The following CTNNA3 variants were observed in gnomAD, a reference collection of about 807,000 sequenced individuals.
The protein encoded by CTNNA3 is catenin alpha-3.
A neutral mutation model predicts 95.7 loss-of-function variants in CTNNA3; 76 were observed. That is an observed-to-expected ratio of 0.79 (90% CI 0.66 to 0.96). The LOEUF (loss-of-function observed/expected upper bound fraction) is 0.96, where lower values mean the gene tolerates loss of function less well. Ranked by LOEUF, CTNNA3 falls within the 40% of genes least tolerant of loss-of-function variation. The probability of loss-of-function intolerance (pLI) is 0.00; values close to 1 mark genes in which losing one functional copy is unlikely to be tolerated. For missense variants in CTNNA3, 1,191 were observed against 1,089.8 expected, an observed-to-expected ratio of 1.09 and a Z score of -1.31; for synonymous variants, 431 against 374.4, an observed-to-expected ratio of 1.15 and a Z score of -1.74.
chr10:66,449,218 C>A (rs1049447080), intron 11 of CTNNA3, among the ~76,000 whole-genome samples: 4 of 152,010 alleles, frequency 2.6e-5, no homozygotes, highest in Non-Finnish European at 4.4e-5. Context: ...GCTGGGGGGA[C>A]ATTCATCTAC....
chr10:67,726,536 T>G (rs1285548476), intron 1 of CTNNA3, among the ~76,000 whole-genome samples: 1 of 66,084 alleles, frequency 1.5e-5, no homozygotes, highest in East Asian at 8.7e-4. Flanking sequence ...ATATATATTA[T>G]TATATATTAC....
At chr10:66,397,619 A>G (rs1358317004) in intron 11 of CTNNA3, among the ~76,000 whole-genome samples, 1 of 151,850 alleles carries the variant, frequency 6.6e-6, no homozygotes, top group South Asian at 2.1e-4. Context: ...AAATTTCAAG[A>G]TAAATAACTC....
intron 7 of CTNNA3, among the ~76,000 whole-genome samples, chr10:67,032,029 A>G (rs1853756964): frequency 6.6e-6 from 1 of 152,182 alleles, no homozygotes; most frequent in Non-Finnish European, 1.5e-5. Flanking sequence ...GCCATGCATA[A>G]TTTGTCTGCC....
Position 67,606,936 on chromosome 10 carries a change from G to A in CTNNA3, c.213C>T (p.Asp71=), listed in dbSNP as rs771791661. 1.2e-6 allele frequency: 2 copies of A among 1,614,006 alleles called. No homozygotes were observed. The highest frequency in any genetic ancestry group is 1.7e-6 in the Non-Finnish European group (2 of 1,179,892). Residue 71 remains aspartate, a synonymous_variant, in exon 3 of 18, where the codon GAC becomes GAT. Transcript: ENST00000433211. ...CTTCCTGGGCAATCTTCTCTCCCTT[G>A]TCTAATAAATTCCAAGTTGCTTCCT... is the stretch of plus-strand genomic sequence containing the variant. The part of the protein sequence containing the change: ...SVEEATWNLL[D]KGEKIAQEAT...
At chr10:66,663,279 C>T (rs1442304116) in intron 9 of CTNNA3, among the ~76,000 whole-genome samples, 1 of 151,954 alleles carries the variant, frequency 6.6e-6, no homozygotes, top group Admixed American at 6.6e-5. Flanking sequence ...TGGCCCCTCC[C>T]CAGTCATGAC....
chr10:66,487,181 A>ATTT lies in CTNNA3; in HGVS notation c.1531+33433_1531+33435dup, dbSNP rs60547696. Among the ~76,000 whole-genome samples, 63 of 45,986 alleles carry ATTT rather than the reference A, an allele frequency of 1.4e-3. 12 individuals are homozygous for ATTT. Among genetic ancestry groups the ATTT allele is most frequent in the East Asian group, 3.9e-3 (5 of 1,282 alleles). 30.2% of individuals were successfully genotyped at this position (45,986 alleles called of 152,430 possible). On this transcript the variant is annotated intron_variant, in intron 11 of 17. Transcript: ENST00000433211. ...TACTTGAAATTTAATAAAAGGGCAG[A>ATTT]TTTTTTTTTTTTTTTTTTTTTTTTT...
At chr10:66,487,121 C>G (rs1490614866) in intron 11 of CTNNA3, among the ~76,000 whole-genome samples, 1 of 138,434 alleles carries the variant, frequency 7.2e-6, no homozygotes, top group Non-Finnish European at 1.5e-5. Flanking sequence ...ATCTAATGTA[C>G]AGCATGGTGA....
At chr10:66,396,016 T>C (rs1298460708) in intron 11 of CTNNA3, among the ~76,000 whole-genome samples, 2 of 152,030 alleles carry the variant, frequency 1.3e-5, no homozygotes, top group East Asian at 3.9e-4. Context: ...AGTTCCCACT[T>C]GTAAGTGAGA....
chr10:66,986,508 CTAAAA>C (rs1171338168), intron 7 of CTNNA3, among the ~76,000 whole-genome samples: 2 of 148,720 alleles, frequency 1.3e-5, no homozygotes, highest in African/African-American at 2.4e-5. Context: ...CTAAACTAAA[CTAAAA>C]TAAAATAAAG....
chr10:66,098,301 G>A (rs1259661242), intron 14 of CTNNA3, among the ~76,000 whole-genome samples: 1 of 152,106 alleles, frequency 6.6e-6, no homozygotes, highest in African/African-American at 2.4e-5. Flanking sequence ...CAAGTGTGCT[G>A]TACTGGAAAG....
At chr10:66,666,346 G>A (rs2132457517) in intron 9 of CTNNA3, among the ~76,000 whole-genome samples, 1 of 152,146 alleles carries the variant, frequency 6.6e-6, no homozygotes, top group South Asian at 2.1e-4. Flanking sequence ...TTCTACCATG[G>A]TCCCCACCAC....
chr10:67,074,538 G>A (rs1856647935), intron 7 of CTNNA3, among the ~76,000 whole-genome samples: 1 of 150,736 alleles, frequency 6.6e-6, no homozygotes, highest in South Asian at 2.1e-4. Flanking sequence ...TTTTAGTAGA[G>A]ATGGGGTTTC....
intron 7 of CTNNA3, among the ~76,000 whole-genome samples, chr10:67,080,643 C>T (rs1161789761): frequency 2.0e-5 from 3 of 152,174 alleles, no homozygotes; most frequent in African/African-American, 7.2e-5. Context: ...GGCATGGTGG[C>T]TCACGCCTGT....
intron 5 of CTNNA3, among the ~76,000 whole-genome samples, chr10:67,375,923 G>A (rs897935154): frequency 6.6e-6 from 1 of 152,136 alleles, no homozygotes; most frequent in Non-Finnish European, 1.5e-5. Flanking sequence ...GATTAGTTCA[G>A]GAAGGCGGAA....
chr10:67,748,261 C>G (rs761439620), intron 1 of CTNNA3, among the ~76,000 whole-genome samples: 6 of 152,036 alleles, frequency 3.9e-5, no homozygotes, highest in African/African-American at 7.2e-5. Flanking sequence ...AGAACCCCAG[C>G]AAGATACTCC....
chr10:66,235,657 T>C (rs533196198), intron 13 of CTNNA3, among the ~76,000 whole-genome samples: 2 of 152,232 alleles, frequency 1.3e-5, no homozygotes, highest in East Asian at 3.9e-4. Flanking sequence ...TTTGGTCACA[T>C]ATTTAGTTAA....
chr10:66,048,965 T>C (rs576676672), intron 15 of CTNNA3, among the ~76,000 whole-genome samples: 9 of 116,212 alleles, frequency 7.7e-5, no homozygotes, highest in Non-Finnish European at 1.8e-4. Context: ...TAAGATATTC[T>C]ACACAGCAAA....
chr10:67,256,681 G>C lies in CTNNA3; in HGVS notation c.580-36811C>G, dbSNP rs10997597. On this transcript the variant is annotated intron_variant, in intron 5 of 17. Coordinates refer to ENST00000433211, the MANE Select transcript of CTNNA3 (RefSeq NM_013266.4). ...TTTAACATTGCTTTGAAAAGTCTCT[G>C]AGTGATGTTAGACATTTATTTCCCA... Among the ~76,000 whole-genome samples, 2,366 of 152,212 alleles carry C rather than the reference G, an allele frequency of 0.016. 193 individuals are homozygous for C. The East Asian group carries it at 0.26, about 17-fold the overall frequency.
chr10:66,053,042 AACAG>A lies in CTNNA3; in HGVS notation c.2159+16262_2159+16265del, dbSNP rs372635983. ...AACTACTCTAACTAAGAGTTCTTGAAACAGACAGCGAGAATAAGGCTGACAAAAA... is the reference window on the plus strand; with the variant it reads ...AACTACTCTAACTAAGAGTTCTTGAAACAGCGAGAATAAGGCTGACAAAAA... On this transcript the variant is annotated intron_variant, in intron 15 of 17. Transcript: ENST00000433211. Among the ~76,000 whole-genome samples, 319 of 152,160 alleles carry A rather than the reference AACAG, an allele frequency of 2.1e-3. 1 individual carries two copies. Among genetic ancestry groups the A allele is most frequent in the African/African-American group, 7.0e-3 (291 of 41,544 alleles).
Sources: allele counts gnomAD v4.1 joint callset (sites outside exome capture counted in the v4.1 genomes callset), GRCh38; gene constraint gnomAD v4.1.1; transcripts MANE v1.5; gene names NCBI Gene and HGNC (gene_info 2026-07-23, HGNC 2026-07-21).